The following LGR4 variants were observed in gnomAD, a reference collection of about 807,000 sequenced individuals.
LGR4 encodes leucine-rich repeat-containing G protein-coupled receptor 4.
In LGR4, 44 loss-of-function variants were observed where a neutral mutation model predicts 84.8. The observed-to-expected ratio is 0.52, with a 90% CI of 0.41 to 0.67. LGR4 has a LOEUF of 0.67. Ranked by LOEUF, LGR4 falls within the 30% of genes least tolerant of loss-of-function variation. LGR4 has a pLI of 0.00. For synonymous variants in LGR4, 429 were observed against 434.3 expected (o/e 0.99, Z 0.15); for missense variants, 1,032 against 1,131.4 (o/e 0.91, Z 1.26).
In LGR4 at chr11:27,414,798, ATTG is replaced by A. The variant is rs1431873867; in HGVS notation, c.186-1941_186-1939del. Among the ~76,000 whole-genome samples, 4 of 152,128 alleles carry A rather than the reference ATTG, an allele frequency of 2.6e-5. 1 individual carries two copies. Among genetic ancestry groups the A allele is most frequent in the African/African-American group, 9.7e-5 (4 of 41,434 alleles). On this transcript the variant is annotated intron_variant, in intron 1 of 17. Transcript: ENST00000379214. ...GCAACTCCCACACTGCCACATAGCC[ATTG>A]TACGATAGTGGGCCTCCATCTGCTC...
chr11:27,380,375 A>AT lies in LGR4; in HGVS notation c.903-37dup, dbSNP rs772527067. 91 of 1,490,256 alleles carry AT rather than the reference A, an allele frequency of 6.1e-5. No homozygotes were observed. In the African/African-American group the frequency reaches 7.5e-4, roughly 12 times the overall value. 92.3% of individuals were successfully genotyped at this position (1,490,256 alleles called of 1,614,324 possible). A position where few individuals can be genotyped will look rare whatever the true frequency, so the allele number is the denominator to read the frequency against. Reference sequence around the variant, plus strand: ...TTGAGAAAGACAAGGTAATTTTTAAATTTTTTTTCATATTTTATGTTTTAA... The same window carrying AT: ...TTGAGAAAGACAAGGTAATTTTTAAATTTTTTTTTCATATTTTATGTTTTAA... On this transcript the variant is annotated intron_variant, in intron 9 of 17. Transcript: ENST00000379214.
chr11:27,378,487 C>T (rs1863031268), intron 11 of LGR4, among the ~76,000 whole-genome samples: 1 of 152,154 alleles, frequency 6.6e-6, no homozygotes, highest in African/African-American at 2.4e-5. Context: ...AATAAAGTCA[C>T]AAGTATATGA....
intron 1 of LGR4, among the ~76,000 whole-genome samples, chr11:27,449,583 T>TA (rs113725436): frequency 1.7e-4 from 25 of 148,604 alleles, no homozygotes; most frequent in African/African-American, 6.2e-4. Context: ...TGCTGTCTCT[T>TA]AAAAAAATCA....
chr11:27,398,784 A>G (rs184163540), intron 2 of LGR4, among the ~76,000 whole-genome samples: 25 of 152,298 alleles, frequency 1.6e-4, no homozygotes, highest in Admixed American at 1.6e-3. Flanking sequence ...TGGTTACCAG[A>G]TGGCCTGGCA....
chr11:27,424,478 A>C (rs1488348297), intron 1 of LGR4, among the ~76,000 whole-genome samples: 1 of 152,122 alleles, frequency 6.6e-6, no homozygotes, highest in African/African-American at 2.4e-5. Context: ...CAGCCTAGGC[A>C]ATAAAGTGAG....
At position 27,468,852 on chromosome 11, in the gene LGR4, C is replaced by T. The variant is rs1327692337; in HGVS notation, c.185+3266G>A. Among the ~76,000 whole-genome samples, 4 of 152,116 alleles carry T rather than the reference C, an allele frequency of 2.6e-5. No individual in the cohort carries two copies. The East Asian group carries it at 7.7e-4, about 29-fold the overall frequency. ...CTTAAAACTATGTGCCAAACATAACCTAGGACATGCAAATTTGTGCTCGAG... is the reference window on the plus strand; with the variant it reads ...CTTAAAACTATGTGCCAAACATAACTTAGGACATGCAAATTTGTGCTCGAG... On this transcript the variant is annotated intron_variant, in intron 1 of 17. Coordinates refer to ENST00000379214, the MANE Select transcript of LGR4 (RefSeq NM_018490.5).
chr11:27,436,042 G>C (rs1864201223), intron 1 of LGR4, among the ~76,000 whole-genome samples: 2 of 141,062 alleles, frequency 1.4e-5, no homozygotes, highest in Admixed American at 1.3e-4. Context: ...CTCCTGAGTT[G>C]CTGGGAGTAC....
intron 1 of LGR4, among the ~76,000 whole-genome samples, chr11:27,457,266 AT>A (rs111593643): frequency 1.1e-4 from 16 of 152,304 alleles, no homozygotes; most frequent in South Asian, 2.1e-4. Context: ...CTAAATATCC[AT>A]TTTTTAAAAA....
chr11:27,441,428 T>C (rs770358583), intron 1 of LGR4, among the ~76,000 whole-genome samples: 1 of 151,552 alleles, frequency 6.6e-6, no homozygotes, highest in African/African-American at 2.4e-5. Flanking sequence ...AAAAGTGGCA[T>C]GGGTGACTAA....
chr11:27,433,367 C>T (rs1227573338), intron 1 of LGR4, among the ~76,000 whole-genome samples: 1 of 151,534 alleles, frequency 6.6e-6, no homozygotes, highest in Non-Finnish European at 1.5e-5. Flanking sequence ...CGCCTGCCAC[C>T]ATGCACGCCC....
chr11:27,371,632 T>G lies in LGR4; in HGVS notation c.1562A>C (p.His521Pro), dbSNP rs1862884963. The G allele has an allele frequency of 6.2e-7, 1 of 1,612,916 alleles. No homozygotes were observed. Among genetic ancestry groups the G allele is most frequent in the Non-Finnish European group, 8.5e-7 (1 of 1,179,156 alleles). The change falls in exon 17 of 18, where the codon CAT becomes CCT. Residue 521 changes from histidine (H) to proline (P), a missense_variant. His to Pro is a moderately conservative substitution (Grantham distance 77). Transcript: ENST00000379214. ...AGGCATACCTGTTGAAGGTGTACAA[T>G]GGATAATTATTTGACTATGTTCTTC... ...ENEEHSQIII[H>P]CTPSTGAFKP...
chr11:27,387,992 G>C (rs1315939835), intron 4 of LGR4, among the ~76,000 whole-genome samples: 1 of 152,042 alleles, frequency 6.6e-6, no homozygotes, highest in Admixed American at 6.6e-5. Context: ...TAGAAAACTA[G>C]GTGAGTTTTG....
chr11:27,381,075 C>T (rs1863084434), intron 7 of LGR4, 109 bp from the exon 8 acceptor site: 2 of 581,864 alleles, frequency 3.4e-6, no homozygotes, highest in East Asian at 5.4e-5. Context: ...ATAATGACTA[C>T]ATGAAAATTT....
chr11:27,424,993 C>T (rs1328540419), intron 1 of LGR4, among the ~76,000 whole-genome samples: 2 of 152,250 alleles, frequency 1.3e-5, no homozygotes, highest in African/African-American at 4.8e-5. Flanking sequence ...GCAATCCACC[C>T]GCCTCAGGCT....
intron 2 of LGR4, among the ~76,000 whole-genome samples, chr11:27,403,798 G>C (rs961836756): frequency 3.3e-5 from 5 of 152,050 alleles, no homozygotes; most frequent in Non-Finnish European, 5.9e-5. Context: ...TTTTGTAATT[G>C]TTTTTTAAAA....
intron 2 of LGR4, among the ~76,000 whole-genome samples, chr11:27,398,200 T>C (rs1294938281): frequency 1.3e-5 from 2 of 152,226 alleles, no homozygotes; most frequent in Non-Finnish European, 2.9e-5. Flanking sequence ...AGGGGGAAAA[T>C]GCAGGAACTG....
At chr11:27,429,895 G>A (rs1290098716) in intron 1 of LGR4, among the ~76,000 whole-genome samples, 1 of 152,080 alleles carries the variant, frequency 6.6e-6, no homozygotes, top group Non-Finnish European at 1.5e-5. Context: ...CAGGAAGAGG[G>A]GGGACCTCCA....
intron 7 of LGR4, 122 bp downstream of exon 7, chr11:27,382,066 G>T (rs1397289200): frequency 7.5e-6 from 5 of 665,460 alleles, no homozygotes; most frequent in Non-Finnish European, 1.3e-5. Flanking sequence ...TTATTTGTGT[G>T]TTTGTGTGCA....
intron 17 of LGR4, among the ~76,000 whole-genome samples, chr11:27,369,546 C>T (rs1862842271): frequency 6.6e-6 from 1 of 152,090 alleles, no homozygotes; most frequent in Admixed American, 6.5e-5. Flanking sequence ...AAGAAAGCAA[C>T]TTAAAATTGT....
Sources: gnomAD v4.1 joint callset for allele counts (sites outside exome capture counted in the v4.1 genomes callset) on GRCh38, gnomAD v4.1.1 for gene constraint, MANE v1.5 for transcripts, NCBI Gene and HGNC (gene_info 2026-07-23, HGNC 2026-07-21) for gene names.